Variants in USP40 observed in about 807,000 individuals in gnomAD.
The protein encoded by USP40 is ubiquitin carboxyl-terminal hydrolase 40.
Under a neutral mutation model 166.2 loss-of-function variants are expected in USP40, and 143 were observed. The ratio of observed to expected loss-of-function variants is 0.86; its 90% CI spans 0.75 to 0.99. The LOEUF (loss-of-function observed/expected upper bound fraction) is 0.99. Among genes scored for constraint, USP40 ranks in the 50% least tolerant of loss-of-function variants. The pLI, the probability that USP40 is intolerant of heterozygous loss-of-function variation, is 0.00. For synonymous variants in USP40, 498 were observed against 524.0 expected (o/e 0.95, Z 0.68); for missense variants, 1,444 against 1,479.7 (o/e 0.98, Z 0.40).
intron 12 of USP40, 31 bp from the exon 13 acceptor site, chr2:233,527,609 T>C (rs746430602): frequency 6.5e-7 from 1 of 1,536,622 alleles, no homozygotes; most frequent in Non-Finnish European, 8.8e-7. Flanking sequence ...ACATAAATAC[T>C]GTGTTTTTAT....
intron 10 of USP40, among the ~76,000 whole-genome samples, chr2:233,537,421 T>C (rs1382206255): frequency 6.6e-6 from 1 of 152,026 alleles, no homozygotes; most frequent in Non-Finnish European, 1.5e-5. Flanking sequence ...CCAAAATTTT[T>C]CCAAAATTTT....
Position 233,562,836 on chromosome 2 carries a change from G to T in USP40, c.200-33C>A. ...AAAAGGTAGAATCAGAGATGCAAAT[G>T]ACATCATTTCATTTTAAAAAATTGT... On this transcript the variant is annotated intron_variant, in intron 2 of 31. Coordinates refer to ENST00000678225, the MANE Select transcript of USP40 (RefSeq NM_001365479.2). The T allele has an allele frequency of 2.7e-6, 4 of 1,470,038 alleles. No homozygotes were observed. In the South Asian group the frequency reaches 4.0e-5, roughly 15 times the overall value. 91.1% of individuals were successfully genotyped at this position (1,470,038 alleles called of 1,614,324 possible).
At chr2:233,559,712 G>T in intron 4 of USP40, 99 bp downstream of exon 4, 1 of 723,870 alleles carries the variant, frequency 1.4e-6, no homozygotes, top group South Asian at 2.6e-5. Context: ...AATATGTTGA[G>T]ACCCTAAGAC....
At chr2:233,535,983 T>C (rs1418294452) in intron 10 of USP40, among the ~76,000 whole-genome samples, 1 of 152,176 alleles carries the variant, frequency 6.6e-6, no homozygotes, top group Non-Finnish European at 1.5e-5. Flanking sequence ...CATCAATCTG[T>C]ACCCTTATAA....
In USP40 at chr2:233,486,379, G is replaced by A. The variant is rs2064950762; in HGVS notation, c.3198-402C>T. On this transcript the variant is annotated intron_variant, in intron 28 of 31. Transcript: ENST00000678225. This position sits in a 1 kb window ranked among gnomAD's most constrained non-coding sequence, Gnocchi z 4.0. Reference sequence around the variant, plus strand: ...GTAGGCAGTTATGCCCTTGACTCTGGGGGCTGTAAATGTGAGCTGCCATGA... The same window carrying A: ...GTAGGCAGTTATGCCCTTGACTCTGAGGGCTGTAAATGTGAGCTGCCATGA... Among the ~76,000 whole-genome samples the A allele has an allele frequency of 6.6e-6, 1 of 152,186 alleles. No homozygotes were observed. Among genetic ancestry groups the A allele is most frequent in the Non-Finnish European group, 1.5e-5 (1 of 68,030 alleles).
intron 16 of USP40, among the ~76,000 whole-genome samples, chr2:233,522,271 C>A (rs553575553): frequency 6.6e-6 from 1 of 152,180 alleles, no homozygotes; most frequent in South Asian, 2.1e-4. Context: ...GCTGAGAAGA[C>A]GGATACTGTT....
chr2:233,558,001 CA>C (rs71058563), intron 4 of USP40, among the ~76,000 whole-genome samples: 2,091 of 51,268 alleles, frequency 0.041, 30 homozygotes, highest in African/African-American at 0.16. Context: ...GACCTCATCT[CA>C]AAAAAAAAAA....
chr2:233,509,998 C>A (rs1384560450), intron 21 of USP40, 51 bp downstream of exon 21: 23 of 1,420,586 alleles, frequency 1.6e-5, no homozygotes, highest in Non-Finnish European at 2.2e-5. Context: ...TTCCTCACAG[C>A]AAACATACAA....
rs2066869178 is a variant in USP40 at position 233,511,919 on chromosome 2, CA to C, written c.2438-123del. ...ATCAAGAAAGAAGAAAAATGAGTTGCACTTCAGACAAAAGGATTACATGCAC... is the reference window on the plus strand; with the variant it reads ...ATCAAGAAAGAAGAAAAATGAGTTGCCTTCAGACAAAAGGATTACATGCAC... On this transcript the variant is annotated intron_variant, in intron 19 of 31. Coordinates refer to ENST00000678225, the MANE Select transcript of USP40 (RefSeq NM_001365479.2). 1.8e-5 allele frequency: 13 copies of C among 741,106 alleles called. No homozygotes were observed. The African/African-American group carries it at 2.3e-4, about 13-fold the overall frequency. 45.9% of individuals were successfully genotyped at this position (741,106 alleles called of 1,614,324 possible). A position where few individuals can be genotyped will look rare whatever the true frequency, so the allele number is the denominator to read the frequency against.
chr2:233,477,583 C>T (rs769311160), intron 31 of USP40, 80 bp from the exon 32 acceptor site: 37 of 1,197,618 alleles, frequency 3.1e-5, no homozygotes, highest in South Asian at 1.5e-4. Context: ...CCCCAAAATA[C>T]ACTCCAATTT....
intron 28 of USP40, among the ~76,000 whole-genome samples, chr2:233,487,143 CAA>C (rs908571096): frequency 1.3e-5 from 2 of 152,186 alleles, no homozygotes; most frequent in Admixed American, 1.3e-4. Context: ...ACACAAATTC[CAA>C]GAGAGCTTTT....
intron 26 of USP40, 185 bp downstream of exon 26, chr2:233,490,982 C>T (rs1435388790): frequency 1.4e-6 from 1 of 706,202 alleles, no homozygotes; most frequent in Non-Finnish European, 2.6e-6. Flanking sequence ...ACCAGTGAGG[C>T]CACGAGGAGC....
chr2:233,479,312 C>A (rs1262861217), intron 31 of USP40, among the ~76,000 whole-genome samples: 1 of 152,158 alleles, frequency 6.6e-6, no homozygotes, highest in Admixed American at 6.5e-5. Context: ...CGCCTGTAAT[C>A]CCAGTACTTT....
At chr2:233,555,027 TA>T (rs980070057) in intron 5 of USP40, among the ~76,000 whole-genome samples, 28 of 152,018 alleles carry the variant, frequency 1.8e-4, no homozygotes, top group Non-Finnish European at 2.1e-4. Flanking sequence ...CTATCTCTAC[TA>T]AAAATACAAA....
rs1194047570 is a variant in USP40, at chr2:233,521,051, T to C, written c.2265A>G (p.Lys755=). 6.2e-7 allele frequency: 1 copy of C among 1,613,574 alleles called. No homozygotes were observed. Among genetic ancestry groups the C allele is most frequent in the Admixed American group, 1.7e-5 (1 of 59,998 alleles). ...SMNEIDWLHV[K]NLCQLESEEK... Reference sequence around the variant, plus strand: ...CTTCAGATTCTAACTGGCATAAATTTTTAACGTGGAGCCAGTCAATCTCAT... The same window carrying C: ...CTTCAGATTCTAACTGGCATAAATTCTTAACGTGGAGCCAGTCAATCTCAT... The change falls in exon 17 of 32, where the codon AAA becomes AAG. Residue 755 remains lysine, a synonymous_variant. Transcript: ENST00000678225.
At chr2:233,518,685 T>C (rs539958117) in intron 18 of USP40, among the ~76,000 whole-genome samples, 5 of 151,726 alleles carry the variant, frequency 3.3e-5, no homozygotes, top group Admixed American at 2.0e-4. Context: ...CTTTGGATAA[T>C]AGTGCGAGAG....
Position 233,523,254 on chromosome 2 carries a change from T to C in USP40, c.2117A>G (p.Lys706Arg), listed in dbSNP as rs199634773. Residue 706 changes from lysine to arginine, a missense_variant, in exon 16 of 32, where the codon AAG (lysine) becomes AGG (arginine). Transcript: ENST00000678225. The part of the protein sequence containing the change: ...PGGEGWTAIP[K>R]EDMRKTFREQ... ...CCTGAACGTCTTCCTCATGTCTTCC[T>C]TGGGGATGGCCGTCCAACCCTCCCC... is the stretch of plus-strand genomic sequence containing the variant. 2.9e-4 allele frequency: 462 copies of C among 1,614,018 alleles called. 2 individuals carry two copies. The African/African-American group carries it at 4.7e-3, about 16-fold the overall frequency.
chr2:233,511,607 A>G (rs779114119), intron 20 of USP40, 102 bp downstream of exon 20: 50 of 798,910 alleles, frequency 6.3e-5, no homozygotes, highest in Middle Eastern at 2.4e-4. Flanking sequence ...TTAAGAAAAA[A>G]CTTTTAGAGA....
At chr2:233,514,790 A>C (rs955452129) in intron 18 of USP40, among the ~76,000 whole-genome samples, 2 of 152,182 alleles carry the variant, frequency 1.3e-5, no homozygotes, top group Non-Finnish European at 2.9e-5. Context: ...TTATAATAAA[A>C]TACATCTGGT....
Sources: gnomAD v4.1 joint callset for allele counts (sites outside exome capture counted in the v4.1 genomes callset) on GRCh38, gnomAD v4.1.1 for gene constraint, Gnocchi (gnomAD v3.1) non-coding constraint, MANE v1.5 for transcripts, NCBI Gene and HGNC (gene_info 2026-07-23, HGNC 2026-07-21) for gene names.